The following DLG2 variants were observed in gnomAD, a reference collection of about 807,000 sequenced individuals.
DLG2 encodes discs large MAGUK scaffold protein 2.
Under a neutral mutation model 132.5 loss-of-function variants are expected in DLG2, and 45 were observed. That is an observed-to-expected ratio of 0.34 (90% CI 0.27 to 0.44). DLG2 has a LOEUF of 0.44. Ranked by LOEUF, DLG2 falls within the 20% of genes least tolerant of loss-of-function variation. The probability of loss-of-function intolerance (pLI) is 1.00; values close to 1 mark genes in which losing one functional copy is unlikely to be tolerated. For synonymous variants in DLG2, 424 were observed against 419.6 expected (o/e 1.01, Z -0.13); for missense variants, 1,045 against 1,196.9 (o/e 0.87, Z 1.87).
In DLG2 at chr11:84,127,241, A is replaced by C. The variant is rs1442170255; in HGVS notation, c.625-28194T>G. Among the ~76,000 whole-genome samples the C allele has an allele frequency of 2.0e-5, 3 of 152,188 alleles. No homozygotes were observed. In the East Asian group the frequency reaches 5.8e-4, roughly 29 times the overall value. On this transcript the variant is annotated intron_variant, in intron 9 of 27. Coordinates refer to ENST00000376104, the MANE Select transcript of DLG2 (RefSeq NM_001142699.3). ...CACTGATGGCTTTCAGAGGAAACCC[A>C]AATGGTGAAATTTGTTGTTTAGGAC... is the stretch of plus-strand genomic sequence containing the variant.
chr11:84,590,671 G>T (rs74856523), intron 6 of DLG2, among the ~76,000 whole-genome samples: 1 of 152,038 alleles, frequency 6.6e-6, no homozygotes, highest in Admixed American at 6.6e-5. Flanking sequence ...AACATATGAA[G>T]GTGTTCCTTA....
At chr11:85,274,537 TA>T (rs1479695048) in intron 4 of DLG2, among the ~76,000 whole-genome samples, 1 of 152,168 alleles carries the variant, frequency 6.6e-6, no homozygotes, top group Admixed American at 6.5e-5. Context: ...AGAAGTATCA[TA>T]AAATATATTT....
At chr11:83,932,346 T>C (rs1385066282) in intron 14 of DLG2, among the ~76,000 whole-genome samples, 2 of 151,998 alleles carry the variant, frequency 1.3e-5, no homozygotes, top group Non-Finnish European at 2.9e-5. Flanking sequence ...GCCATTCTCC[T>C]GCCCCAGCCT....
intron 6 of DLG2, among the ~76,000 whole-genome samples, chr11:85,110,474 A>C (rs1336262980): frequency 6.6e-6 from 1 of 151,996 alleles, no homozygotes; most frequent in Non-Finnish European, 1.5e-5. Context: ...TATCATAAGT[A>C]GTCCCTAAGC....
chr11:85,520,092 C>T (rs181118490), intron 3 of DLG2, among the ~76,000 whole-genome samples: 174 of 151,836 alleles, frequency 1.1e-3, no homozygotes, highest in African/African-American at 4.1e-3. Flanking sequence ...TACTGCCCAG[C>T]CTGGTCTTGA....
chr11:83,521,928 T>TGTC (rs1463368315), intron 21 of DLG2, among the ~76,000 whole-genome samples: 1 of 152,070 alleles, frequency 6.6e-6, no homozygotes, highest in African/African-American at 2.4e-5. Flanking sequence ...AAACACAGCC[T>TGTC]GTCACTCCTC....
chr11:84,689,007 G>T (rs954222399), intron 6 of DLG2, among the ~76,000 whole-genome samples: 1 of 152,194 alleles, frequency 6.6e-6, no homozygotes, highest in Non-Finnish European at 1.5e-5. Context: ...TCACAGTGCT[G>T]TTAAGCAGAC....
chr11:83,462,052 G>A lies in DLG2; in HGVS notation c.2771C>T (p.Thr924Ile), dbSNP rs770044286. The A allele has an allele frequency of 1.2e-6, 2 of 1,613,490 alleles. No homozygotes were observed. The highest frequency in any genetic ancestry group is 8.5e-7 in the Non-Finnish European group (1 of 1,179,548). Reference protein sequence around the residue: ...KRLTEEQAKKTYDRAIKLEQE... With the variant: ...KRLTEEQAKKIYDRAIKLEQE... ...TTCTAGCTTAATTGCTCGATCATAG[G>A]TTTTCTTGGCTTGTTCCTCTGTTAG... The change falls in exon 27 of 28, where the codon ACC (threonine) becomes ATC (isoleucine). Residue 924 changes from threonine to isoleucine, a missense_variant. Coordinates refer to ENST00000376104, the MANE Select transcript of DLG2 (RefSeq NM_001142699.3).
intron 18 of DLG2, among the ~76,000 whole-genome samples, chr11:83,683,063 G>T (rs1283708160): frequency 6.6e-6 from 1 of 152,132 alleles, no homozygotes; most frequent in African/African-American, 2.4e-5. Context: ...CAGTACTGTT[G>T]ACCAAAAATC....
At chr11:85,305,036 T>A (rs1488784549) in intron 3 of DLG2, among the ~76,000 whole-genome samples, 1 of 152,198 alleles carries the variant, frequency 6.6e-6, no homozygotes, top group African/African-American at 2.4e-5. Context: ...TCTCAGTAAA[T>A]ATTTGTTGAA....
At chr11:83,480,126 C>T (rs1011037254) in intron 22 of DLG2, among the ~76,000 whole-genome samples, 2 of 152,008 alleles carry the variant, frequency 1.3e-5, no homozygotes, top group Admixed American at 1.3e-4. Flanking sequence ...TGAGTCACAA[C>T]CAACTGAGGT....
chr11:84,009,327 C>T (rs958016780), intron 11 of DLG2, among the ~76,000 whole-genome samples: 3 of 151,832 alleles, frequency 2.0e-5, no homozygotes, highest in Non-Finnish European at 4.4e-5. Flanking sequence ...AAACCTATCC[C>T]CAAACCTATA....
At chr11:84,541,813 C>T (rs893314448) in intron 6 of DLG2, among the ~76,000 whole-genome samples, 2 of 152,162 alleles carry the variant, frequency 1.3e-5, no homozygotes, top group Admixed American at 1.3e-4. Flanking sequence ...CACAGTCCCC[C>T]CTACACAGAC....
At chr11:84,756,195 T>C (rs768330854) in intron 6 of DLG2, among the ~76,000 whole-genome samples, 5 of 152,260 alleles carry the variant, frequency 3.3e-5, no homozygotes, top group Non-Finnish European at 7.3e-5. Flanking sequence ...AATACTTTTT[T>C]ATGCCTTTGT....
At chr11:85,356,303 C>A (rs546082748) in intron 3 of DLG2, among the ~76,000 whole-genome samples, 82 of 152,146 alleles carry the variant, frequency 5.4e-4, no homozygotes, top group Non-Finnish European at 9.3e-4. Context: ...GGCATTTTTG[C>A]CTTTAACACA....
At position 84,402,877 on chromosome 11, in the gene DLG2, G is replaced by A. The variant is rs1327394418; in HGVS notation, c.519+131693C>T. 4.4e-4 allele frequency among the ~76,000 whole-genome samples: 16 copies of A among 36,574 alleles called. No homozygotes were observed. In the African/African-American group the frequency reaches 0.017, roughly 39 times the overall value. The allele number at this position is 36,574 out of a possible 152,430, so 24.0% of individuals were successfully genotyped here. ...AGCCTGGGCGACAGAGCGAAACTCCGTCTCAAAAAAAAAAAAAAAAAAAAT... is the reference window on the plus strand; with the variant it reads ...AGCCTGGGCGACAGAGCGAAACTCCATCTCAAAAAAAAAAAAAAAAAAAAT... On this transcript the variant is annotated intron_variant, in intron 7 of 27. Coordinates refer to ENST00000376104, the MANE Select transcript of DLG2 (RefSeq NM_001142699.3).
chr11:85,092,660 T>C (rs949513940), intron 6 of DLG2, among the ~76,000 whole-genome samples: 146 of 151,402 alleles, frequency 9.6e-4, no homozygotes, highest in Admixed American at 2.5e-3. Flanking sequence ...TTTTTTTTTT[T>C]CAGACAGAGT....
At chr11:83,967,980 T>C (rs565307844) in intron 12 of DLG2, among the ~76,000 whole-genome samples, 53 of 152,194 alleles carry the variant, frequency 3.5e-4, no homozygotes, top group Non-Finnish European at 6.6e-4. Context: ...CTAGCCTTTC[T>C]TCATCATGTT....
At chr11:84,456,685 T>C (rs561436593) in intron 7 of DLG2, among the ~76,000 whole-genome samples, 19 of 151,508 alleles carry the variant, frequency 1.3e-4, no homozygotes, top group South Asian at 4.1e-4. Flanking sequence ...ATCTGTTCCT[T>C]TGGATGTGCT....
Sources: gnomAD v4.1 joint callset for allele counts (sites outside exome capture counted in the v4.1 genomes callset) on GRCh38, gnomAD v4.1.1 for gene constraint, MANE v1.5 for transcripts, NCBI Gene and HGNC (gene_info 2026-07-23, HGNC 2026-07-21) for gene names.